The following KCNH1 variants were observed in gnomAD, a reference collection of about 807,000 sequenced individuals.
The protein encoded by KCNH1 is potassium voltage-gated channel subfamily H member 1.
KCNH1 carries 27 observed loss-of-function variants against 69.2 expected under a neutral mutation model. The observed-to-expected ratio is 0.39, with a 90% CI of 0.29 to 0.54. The LOEUF is 0.54. Among genes scored for constraint, KCNH1 ranks in the 20% least tolerant of loss-of-function variants. KCNH1 has a pLI of 0.68. For synonymous variants in KCNH1, 456 were observed against 487.7 expected, an observed-to-expected ratio of 0.93 and a Z score of 0.86; for missense variants, 798 against 1,261.6, an observed-to-expected ratio of 0.63 and a Z score of 5.57.
chr1:211,064,586 T>C (rs944097683), intron 5 of KCNH1, among the ~76,000 whole-genome samples: 1 of 151,972 alleles, frequency 6.6e-6, no homozygotes, highest in African/African-American at 2.4e-5. Context: ...ATCAAGCGAA[T>C]TTTAAAATAA....
intron 10 of KCNH1, among the ~76,000 whole-genome samples, chr1:210,701,204 T>C (rs1681769905): frequency 6.6e-6 from 1 of 152,226 alleles, no homozygotes; most frequent in Non-Finnish European, 1.5e-5. Flanking sequence ...CCCAAAGTGC[T>C]GGGATTACAG....
intron 3 of KCNH1, among the ~76,000 whole-genome samples, chr1:211,093,470 G>A (rs1691091698): frequency 6.6e-6 from 1 of 152,114 alleles, no homozygotes; most frequent in South Asian, 2.1e-4. Context: ...ATTTTTGGTA[G>A]AGATGGTGTT....
chr1:210,746,369 T>C (rs2149039948), intron 10 of KCNH1, among the ~76,000 whole-genome samples: 1 of 152,280 alleles, frequency 6.6e-6, no homozygotes, highest in South Asian at 2.1e-4. Context: ...ATAGAGGCTC[T>C]GGAGGTGATG....
chr1:210,897,309 A>G (rs998438886), intron 7 of KCNH1, among the ~76,000 whole-genome samples: 2 of 152,232 alleles, frequency 1.3e-5, no homozygotes, highest in African/African-American at 2.4e-5. Context: ...CAATGGACTG[A>G]ACATAAAACT....
rs1691337330 is a variant in KCNH1 at position 211,105,686 on chromosome 1, A to G, written c.203+1568T>C. Among the ~76,000 whole-genome samples, 5 of 152,350 alleles carry G rather than the reference A, an allele frequency of 3.3e-5. No individual in the cohort carries two copies. In the South Asian group the frequency reaches 1.0e-3, roughly 32 times the overall value. Reference sequence around the variant, plus strand: ...AAGTGTTTGATTATAGCCAATAAGAAAGGTAAGGAAAGGCTGTTCAAGTCA... The same window carrying G: ...AAGTGTTTGATTATAGCCAATAAGAGAGGTAAGGAAAGGCTGTTCAAGTCA... On this transcript the variant is annotated intron_variant, in intron 2 of 10. Transcript: ENST00000271751.
At chr1:210,769,225 C>A (rs1202185800) in intron 10 of KCNH1, among the ~76,000 whole-genome samples, 1 of 152,178 alleles carries the variant, frequency 6.6e-6, no homozygotes, top group Non-Finnish European at 1.5e-5. Flanking sequence ...TCTTATCAAC[C>A]TTCCACAATA....
chr1:210,995,914 A>T (rs1689023792), intron 6 of KCNH1, among the ~76,000 whole-genome samples: 1 of 152,182 alleles, frequency 6.6e-6, no homozygotes, highest in African/African-American at 2.4e-5. Flanking sequence ...AAAATATATT[A>T]TACCTGGCTC....
chr1:210,699,112 T>C (rs1336690907), intron 10 of KCNH1, among the ~76,000 whole-genome samples: 1 of 152,236 alleles, frequency 6.6e-6, no homozygotes, highest in Non-Finnish European at 1.5e-5. Flanking sequence ...CTTTGCTCCA[T>C]TCTGGTACCC....
intron 6 of KCNH1, among the ~76,000 whole-genome samples, chr1:210,947,725 T>C (rs1431694182): frequency 2.0e-5 from 3 of 152,082 alleles, no homozygotes; most frequent in Non-Finnish European, 4.4e-5. Context: ...AATTGTTAAT[T>C]AAAAATAAAT....
intron 5 of KCNH1, among the ~76,000 whole-genome samples, chr1:211,050,849 A>C (rs1160764954): frequency 6.6e-6 from 1 of 152,240 alleles, no homozygotes; most frequent in Non-Finnish European, 1.5e-5. Context: ...GGTCCCTACC[A>C]AGGGTCTGCA....
At chr1:211,126,437 G>A (rs1017693829) in intron 1 of KCNH1, among the ~76,000 whole-genome samples, 1 of 151,794 alleles carries the variant, frequency 6.6e-6, no homozygotes, top group Non-Finnish European at 1.5e-5. Flanking sequence ...CTGAACCCGG[G>A]AGGCGAAGCT....
At chr1:210,887,687 G>T (rs1438619278) in intron 7 of KCNH1, among the ~76,000 whole-genome samples, 2 of 126,830 alleles carry the variant, frequency 1.6e-5, no homozygotes, top group African/African-American at 3.1e-5. Flanking sequence ...TCAAAATAAA[G>T]GGATGGAGGA....
chr1:211,127,972 C>T (rs1406168907), intron 1 of KCNH1, among the ~76,000 whole-genome samples: 2 of 152,096 alleles, frequency 1.3e-5, no homozygotes, highest in Non-Finnish European at 2.9e-5. Context: ...TACAGTCATA[C>T]TATAAAGCAC....
chr1:210,798,029 TG>T (rs1393049454), intron 8 of KCNH1, among the ~76,000 whole-genome samples: 1 of 143,008 alleles, frequency 7.0e-6, no homozygotes, highest in African/African-American at 2.7e-5. Flanking sequence ...AAGGCTTCTC[TG>T]GGAAGGTGAC....
chr1:210,739,580 A>G (rs1682967562), intron 10 of KCNH1, among the ~76,000 whole-genome samples: 1 of 152,252 alleles, frequency 6.6e-6, no homozygotes, highest in Admixed American at 6.5e-5. Context: ...GCAGTATTTT[A>G]CCAGGCTTGT....
chr1:211,000,461 T>C (rs533029956), intron 6 of KCNH1, among the ~76,000 whole-genome samples: 2 of 152,294 alleles, frequency 1.3e-5, no homozygotes, highest in African/African-American at 2.4e-5. Flanking sequence ...ACCAGGGATG[T>C]GAAGGACCTC....
rs745766834 is a variant in KCNH1, at chr1:210,684,092, C to T, written c.2159G>A (p.Arg720His). 1.3e-5 allele frequency: 19 copies of T among 1,515,032 alleles called. No homozygotes were observed. Among genetic ancestry groups the T allele is most frequent in the African/African-American group, 7.0e-5 (5 of 71,688 alleles). The allele number at this position is 1,515,032 out of a possible 1,614,324, so 93.8% of individuals were successfully genotyped here. The change falls in exon 11 of 11, where the codon CGC becomes CAC. Residue 720 changes from arginine to histidine, a missense_variant. Coordinates refer to ENST00000271751, the MANE Select transcript of KCNH1 (RefSeq NM_172362.3). The stretch of plus-strand genomic sequence containing the variant: ...GGGGGCCTCATTCTTTCGTTTCATG[C>T]GTTCTTCCTCTTCACGTTTCACATC... ...ISDVKREEEE[R>H]MKRKNEAPLI...
rs372068935 is a variant in KCNH1, at chr1:211,035,989, T to G, written c.559-16733A>C. On this transcript the variant is annotated intron_variant, in intron 5 of 10. Coordinates refer to ENST00000271751, the MANE Select transcript of KCNH1 (RefSeq NM_172362.3). Reference sequence around the variant, plus strand: ...TGATTGTTACCAATGCACCAGGCGCTTGGTCTAGGTTCCACTGCTTGCCGC... The same window carrying G: ...TGATTGTTACCAATGCACCAGGCGCGTGGTCTAGGTTCCACTGCTTGCCGC... 3.5e-4 allele frequency among the ~76,000 whole-genome samples: 54 copies of G among 152,340 alleles called. 2 individuals carry two copies. In the South Asian group the frequency reaches 0.011, roughly 30 times the overall value.
intron 6 of KCNH1, among the ~76,000 whole-genome samples, chr1:210,965,648 T>C (rs974910565): frequency 6.6e-6 from 1 of 151,454 alleles, no homozygotes; most frequent in Admixed American, 6.6e-5. Context: ...ACAAAGAGAG[T>C]GAAATACCTA....
Sources: gnomAD v4.1 joint callset for allele counts (sites outside exome capture counted in the v4.1 genomes callset) on GRCh38, gnomAD v4.1.1 for gene constraint, MANE v1.5 for transcripts, NCBI Gene and HGNC (gene_info 2026-07-23, HGNC 2026-07-21) for gene names.